ASH1L: variants seen among roughly 807,000 people sequenced by gnomAD.
The protein encoded by ASH1L is ASH1 like histone lysine methyltransferase, also known as histone-lysine N-methyltransferase ASH1L.
In ASH1L, 23 loss-of-function variants were observed where a neutral mutation model predicts 269.0. The ratio of observed to expected loss-of-function variants is 0.09; its 90% CI spans 0.06 to 0.12. The LOEUF (loss-of-function observed/expected upper bound fraction) is 0.12. Among genes scored for constraint, ASH1L ranks in the 10% least tolerant of loss-of-function variants. ASH1L has a pLI of 1.00. For missense variants in ASH1L, 2,912 were observed against 3,567.8 expected (o/e 0.82, Z 4.68); for synonymous variants, 1,187 against 1,253.5 (o/e 0.95, Z 1.12).
chr1:155,545,175 CAAAAA>C (rs10624841), intron 1 of ASH1L, among the ~76,000 whole-genome samples: 5 of 21,774 alleles, frequency 2.3e-4, no homozygotes, highest in East Asian at 3.4e-3. Context: ...TCCATCTCAC[CAAAAA>C]AAAAAAAAAA....
rs1360724933 is a variant in ASH1L, at chr1:155,562,746, C to G, written c.-693G>C. The G allele has an allele frequency of 1.6e-6, 2 of 1,233,662 alleles. No individual in the cohort carries two copies. Among genetic ancestry groups the G allele is most frequent in the South Asian group, 1.3e-5 (1 of 78,058 alleles). The allele number at this position is 1,233,662 out of a possible 1,614,324, so 76.4% of individuals were successfully genotyped here. ...TCCCTCACTACCCCTCAGGCCCTGT[C>G]AAGCCGGCGCCGGCGCAGGCCCTCA... On this transcript the variant is annotated 5_prime_UTR_variant, in exon 1 of 28. Transcript: ENST00000392403.
At chr1:155,372,509 A>C (rs1656050647) in intron 10 of ASH1L, among the ~76,000 whole-genome samples, 2 of 151,484 alleles carry the variant, frequency 1.3e-5, no homozygotes, top group Admixed American at 6.6e-5. Context: ...AGGTTTTGCC[A>C]TGTTGGCCAG....
At position 155,479,686 on chromosome 1, in the gene ASH1L, T is replaced by C. The variant is rs767440517; in HGVS notation, c.3184A>G (p.Ile1062Val). The change falls in exon 3 of 28, where the codon ATT becomes GTT. Residue 1062 changes from isoleucine to valine, a missense_variant. Physicochemically the swap from Ile to Val is conservative, Grantham distance 29. This residue lies in a region of ASH1L where 13 missense variants were observed against 38.5 expected (regional missense o/e 0.34). Transcript: ENST00000392403. ...GRKPKTVLNGILSGSPTSLAV... is the reference protein window; with the variant it reads ...GRKPKTVLNGVLSGSPTSLAV... ...AGGCTAGTAGGACTACCAGAAAGAA[T>C]ACCATTTAAGACAGTTTTTGGTTTG... The C allele has an allele frequency of 2.6e-5, 42 of 1,614,218 alleles. No homozygotes were observed. In the South Asian group the frequency reaches 4.4e-4, roughly 17 times the overall value.
At chr1:155,368,976 T>C (rs544197765) in intron 12 of ASH1L, among the ~76,000 whole-genome samples, 6 of 152,326 alleles carry the variant, frequency 3.9e-5, no homozygotes, top group Admixed American at 2.6e-4. Context: ...AGTTCTGGAA[T>C]AGGTAAAACT....
At chr1:155,366,347 G>A (rs969363480) in intron 12 of ASH1L, among the ~76,000 whole-genome samples, 1 of 152,136 alleles carries the variant, frequency 6.6e-6, no homozygotes, top group Non-Finnish European at 1.5e-5. Flanking sequence ...CACTTTCCCA[G>A]AAAACTCATG....
Position 155,462,051 on chromosome 1 carries a change from C to T in ASH1L, c.4985-2153G>A, listed in dbSNP as rs1452031165. Among the ~76,000 whole-genome samples, 6 of 152,306 alleles carry T rather than the reference C, an allele frequency of 3.9e-5. No individual in the cohort carries two copies. In the East Asian group the frequency reaches 1.2e-3, roughly 29 times the overall value. ...CTTACCTCAAGTGATCCGCCCGCCT[C>T]AGCCTCCCAAAGTGCTGGGATTATA... On this transcript the variant is annotated intron_variant, in intron 3 of 27. Transcript: ENST00000392403.
chr1:155,381,536 C>T lies in ASH1L; in HGVS notation c.6104-1420G>A, dbSNP rs58777334. 5.1e-3 allele frequency among the ~76,000 whole-genome samples: 753 copies of T among 148,644 alleles called. 5 individuals carry two copies. Among genetic ancestry groups the T allele is most frequent in the African/African-American group, 0.014 (558 of 40,236 alleles). On this transcript the variant is annotated intron_variant, in intron 7 of 27. Transcript: ENST00000392403. ...CTGCACTCCAGCCTGGACAATAGTG[C>T]GAGACTCCGTCTCAAAAAAAAACAA... is the stretch of plus-strand genomic sequence containing the variant.
intron 8 of ASH1L, 151 bp from the exon 9 acceptor site, chr1:155,378,699 ACT>A: frequency 1.6e-6 from 1 of 634,560 alleles, no homozygotes; most frequent in Non-Finnish European, 2.8e-6. Flanking sequence ...TTTGAGGGAA[ACT>A]CTTGGTGTGA....
At chr1:155,471,793 T>C (rs952418184) in intron 3 of ASH1L, among the ~76,000 whole-genome samples, 5 of 152,262 alleles carry the variant, frequency 3.3e-5, no homozygotes, top group African/African-American at 1.2e-4. Context: ...GGCAGAAGTA[T>C]GGATGTCTCA....
At chr1:155,430,764 A>T (rs900229671) in intron 5 of ASH1L, among the ~76,000 whole-genome samples, 8 of 152,156 alleles carry the variant, frequency 5.3e-5, no homozygotes, top group Admixed American at 3.9e-4. Flanking sequence ...TTTCAGGCTC[A>T]TTCACTTGTT....
intron 7 of ASH1L, among the ~76,000 whole-genome samples, chr1:155,388,820 A>T (rs143271808): frequency 0.02 from 3,015 of 149,514 alleles, 100 homozygotes; most frequent in African/African-American, 0.071. Flanking sequence ...CCTGGGCTCA[A>T]GTGATCCTCC....
intron 1 of ASH1L, among the ~76,000 whole-genome samples, chr1:155,554,375 C>T (rs1219599238): frequency 6.6e-6 from 1 of 151,924 alleles, no homozygotes; most frequent in Non-Finnish European, 1.5e-5. Context: ...CGGGTTCAAG[C>T]GATTCTCCTG....
At chr1:155,340,634 A>T (rs1652707152) in intron 25 of ASH1L, among the ~76,000 whole-genome samples, 1 of 152,210 alleles carries the variant, frequency 6.6e-6, no homozygotes, top group Non-Finnish European at 1.5e-5. Context: ...ATGAATGACA[A>T]AACGTATAAT....
intron 7 of ASH1L, among the ~76,000 whole-genome samples, chr1:155,382,960 C>T (rs1022425434): frequency 2.0e-5 from 3 of 152,178 alleles, no homozygotes; most frequent in Non-Finnish European, 2.9e-5. Flanking sequence ...TGGGCTCAAG[C>T]GATCTGCCTG....
Position 155,415,846 on chromosome 1 carries a change from T to C in ASH1L, c.5906A>G (p.Gln1969Arg). 6.2e-7 allele frequency: 1 copy of C among 1,613,968 alleles called. No individual in the cohort carries two copies. The highest frequency in any genetic ancestry group is 8.5e-7 in the Non-Finnish European group (1 of 1,179,956). The change falls in exon 6 of 28, where the codon CAG becomes CGG. Residue 1969 changes from glutamine (Q) to arginine (R), a missense_variant. Gln to Arg is a conservative substitution (Grantham distance 43, BLOSUM62 1). Coordinates refer to ENST00000392403, the MANE Select transcript of ASH1L (RefSeq NM_018489.3). ...CCTTGGGATGAGAGAAAGCACAGGC[T>C]GCAAGGTACTTTCAGGTTCAGAAGG... Reference protein sequence around the residue: ...AKPSEPESTLQPVLSLIPREK... With the variant: ...AKPSEPESTLRPVLSLIPREK...
At chr1:155,543,340 A>C (rs946174051) in intron 1 of ASH1L, among the ~76,000 whole-genome samples, 8 of 151,386 alleles carry the variant, frequency 5.3e-5, no homozygotes, top group Non-Finnish European at 1.0e-4. Flanking sequence ...GTGAAACTCT[A>C]TCTCTACTAA....
At chr1:155,411,336 G>T (rs1659742781) in intron 6 of ASH1L, among the ~76,000 whole-genome samples, 1 of 151,538 alleles carries the variant, frequency 6.6e-6, no homozygotes, top group Non-Finnish European at 1.5e-5. Context: ...TTATTTTTGG[G>T]AGAGGAAGAG....
At chr1:155,396,770 T>C (rs1658379096) in intron 6 of ASH1L, among the ~76,000 whole-genome samples, 1 of 151,238 alleles carries the variant, frequency 6.6e-6, no homozygotes, top group South Asian at 2.1e-4. Flanking sequence ...GAGACAGGCC[T>C]GGCCAACACA....
chr1:155,435,171 C>A (rs1311758254), intron 5 of ASH1L, among the ~76,000 whole-genome samples: 2 of 152,044 alleles, frequency 1.3e-5, no homozygotes, highest in Non-Finnish European at 2.9e-5. Flanking sequence ...ACAACAGCAA[C>A]AACAAAAACT....
Sources: gnomAD v4.1 joint callset for allele counts (sites outside exome capture counted in the v4.1 genomes callset) on GRCh38, gnomAD v4.1.1 for gene constraint, gnomAD v4.1.1 regional missense constraint, MANE v1.5 for transcripts, NCBI Gene and HGNC (gene_info 2026-07-23, HGNC 2026-07-21) for gene names.